The following CATSPERG variants were observed in gnomAD, a reference collection of about 807,000 sequenced individuals.
CATSPERG encodes the protein cation channel sperm-associated auxiliary subunit gamma.
CATSPERG carries 115 observed loss-of-function variants against 145.0 expected under a neutral mutation model. That is an observed-to-expected ratio of 0.79 (90% CI 0.68 to 0.93). CATSPERG has a LOEUF of 0.93. Among genes scored for constraint, CATSPERG ranks in the 40% least tolerant of loss-of-function variants. The probability of loss-of-function intolerance (pLI) is 0.00; values close to 1 mark genes in which losing one functional copy is unlikely to be tolerated. For missense variants in CATSPERG, 1,296 were observed against 1,490.1 expected (o/e 0.87, Z 2.14); for synonymous variants, 588 against 589.0 (o/e 1.00, Z 0.02).
intron 7 of CATSPERG, among the ~76,000 whole-genome samples, chr19:38,351,374 C>T (rs952748059): frequency 1.7e-4 from 26 of 151,972 alleles, no homozygotes; most frequent in Non-Finnish European, 3.7e-4. Context: ...TTTGGGAGGC[C>T]GAGGTGGGCG....
chr19:38,348,445 G>A (rs965061241), intron 7 of CATSPERG, among the ~76,000 whole-genome samples: 2 of 149,460 alleles, frequency 1.3e-5, no homozygotes, highest in African/African-American at 4.9e-5. Flanking sequence ...ACCGTGCCTG[G>A]CCAATTTCCA....
Position 38,370,645 on chromosome 19 carries a change from A to G in CATSPERG, c.3333A>G (p.Ser1111=). 6.2e-7 allele frequency: 1 copy of G among 1,614,154 alleles called. No individual in the cohort carries two copies. The highest frequency in any genetic ancestry group is 8.5e-7 in the Non-Finnish European group (1 of 1,180,036). ...IRWKINNLIA[S]ESYYTYASIS... ...GGAAGATAAACAACCTCATTGCCTC[A>G]GAATCCTACTACACCTACGCCTCCA... The change falls in exon 29 of 29, where the codon TCA becomes TCG. Residue 1111 remains serine (S), a synonymous_variant. Transcript: ENST00000409235.
In CATSPERG at chr19:38,370,682, TC is replaced by T; in HGVS notation, c.3371del (p.Ser1124Ter). On this transcript the variant is annotated frameshift_variant, in exon 29 of 29. Transcript: ENST00000409235. LOFTEE classifies it low-confidence loss of function (END_TRUNC). ...YYTYASISGI[S>X]SMPSLRHSRM... ...CACCTACGCCTCCATTTCCGGAATC[TC>T]GAGCATGCCGTCTCTGAGACATTCC... 1 of 1,614,042 alleles carries T rather than the reference TC, an allele frequency of 6.2e-7. No homozygotes were observed. The highest frequency in any genetic ancestry group is 1.1e-5 in the South Asian group (1 of 91,074).
At chr19:38,339,155 T>G (rs1969895386) in intron 3 of CATSPERG, among the ~76,000 whole-genome samples, 1 of 152,284 alleles carries the variant, frequency 6.6e-6, no homozygotes, top group African/African-American at 2.4e-5. Flanking sequence ...CACATTGCAT[T>G]AAGCACATGA....
intron 26 of CATSPERG, among the ~76,000 whole-genome samples, chr19:38,368,368 G>C (rs1173639156): frequency 3.3e-5 from 5 of 152,194 alleles, no homozygotes; most frequent in African/African-American, 7.2e-5. Flanking sequence ...GGACTTTTCT[G>C]TTTCAAGATG....
intron 3 of CATSPERG, among the ~76,000 whole-genome samples, chr19:38,340,304 C>T (rs1265092020): frequency 2.0e-5 from 3 of 151,452 alleles, no homozygotes. Context: ...TATTCATATG[C>T]CAGTATCACA....
intron 7 of CATSPERG, among the ~76,000 whole-genome samples, chr19:38,351,750 A>T (rs888542792): frequency 1.8e-4 from 28 of 152,200 alleles, no homozygotes; most frequent in African/African-American, 6.7e-4. Context: ...CTACAAAAAT[A>T]AAAATTAAAA....
chr19:38,364,104 C>G (rs1481477413), intron 20 of CATSPERG, among the ~76,000 whole-genome samples: 2 of 151,486 alleles, frequency 1.3e-5, no homozygotes, highest in Admixed American at 6.6e-5. Context: ...CTGACCCCCC[C>G]ACCTCCCTCC....
chr19:38,354,949 G>A (rs1970216879), intron 9 of CATSPERG, 102 bp downstream of exon 9: 3 of 1,368,548 alleles, frequency 2.2e-6, no homozygotes, highest in Non-Finnish European at 3.0e-6. Context: ...TGTGCCCTGA[G>A]GAGGGCCCCT....
intron 1 of CATSPERG, 140 bp from the exon 2 acceptor site, chr19:38,337,081 G>A: frequency 2.9e-6 from 3 of 1,040,168 alleles, no homozygotes; most frequent in Non-Finnish European, 4.1e-6. Flanking sequence ...CCAAGAGCAA[G>A]TGCAGGGGCG....
In CATSPERG at chr19:38,358,555, T is replaced by C. The variant is rs1230071562; in HGVS notation, c.1490T>C (p.Leu497Pro). The part of the protein sequence containing the change: ...NLIFIWGNFL[L>P]QSSNKENFIY... ...ATCTTCATCTGGGGCAACTTCCTCCTGCAGAGGTGGGCCTCTACCACCCCT... is the reference window on the plus strand; with the variant it reads ...ATCTTCATCTGGGGCAACTTCCTCCCGCAGAGGTGGGCCTCTACCACCCCT... The change falls in exon 13 of 29, where the codon CTG (leucine) becomes CCG (proline). Residue 497 changes from leucine (L) to proline (P), a missense_variant. Physicochemically the swap from Leu to Pro is moderately conservative, Grantham distance 98. Transcript: ENST00000409235. The C allele has an allele frequency of 6.2e-7, 1 of 1,614,164 alleles. No homozygotes were observed. The highest frequency in any genetic ancestry group is 8.5e-7 in the Non-Finnish European group (1 of 1,180,020).
intron 13 of CATSPERG, among the ~76,000 whole-genome samples, chr19:38,358,841 G>GT (rs112705504): frequency 1.3e-3 from 189 of 150,708 alleles, no homozygotes; most frequent in African/African-American, 2.8e-3. Flanking sequence ...AGTTTCTAGG[G>GT]TTTTTTTTTG....
At position 38,360,471 on chromosome 19, in the gene CATSPERG, C is replaced by T. The variant is rs191300146; in HGVS notation, c.1609-18C>T. On this transcript the variant is annotated intron_variant, in intron 14 of 28. Transcript: ENST00000409235. ...CCCATGGTCCTGACACACACACATC[C>T]GGCTGTCATACCCGCAGATCTGGTA... 21 of 1,613,534 alleles carry T rather than the reference C, an allele frequency of 1.3e-5. No individual in the cohort carries two copies. Among genetic ancestry groups the T allele is most frequent in the Middle Eastern group, 1.7e-4 (1 of 6,016 alleles).
intron 3 of CATSPERG, among the ~76,000 whole-genome samples, chr19:38,338,654 C>T (rs1323677149): frequency 6.6e-6 from 1 of 152,054 alleles, no homozygotes; most frequent in Non-Finnish European, 1.5e-5. Flanking sequence ...TCTTGAATAG[C>T]TGGGACTAGT....
Position 38,369,999 on chromosome 19 carries a change from C to A in CATSPERG, c.3048C>A (p.Cys1016Ter). 1 of 1,614,264 alleles carries A rather than the reference C, an allele frequency of 6.2e-7. No homozygotes were observed. The highest frequency in any genetic ancestry group is 8.5e-7 in the Non-Finnish European group (1 of 1,180,044). ...IEWLCLENAPCYDNVPQGIFA... is the reference protein window; with the variant it reads ...IEWLCLENAP ...GGCTCTGTCTGGAGAATGCCCCATG[C>A]TATGACAATGTTCCCCAAGGCATCT... The change falls in exon 27 of 29, where the codon TGC (cysteine) becomes TGA (stop). Residue 1016 changes from cysteine (C) to a stop codon, truncating the protein, a stop_gained. Transcript: ENST00000409235. LOFTEE classifies it high-confidence loss of function.
chr19:38,370,792 A>T lies in CATSPERG; in HGVS notation c.3480A>T (p.Ter1160CysextTer16). The change falls in exon 29 of 29, where the codon TGA becomes TGT. Residue 1160 changes from the stop codon to cysteine, a stop_lost. Coordinates refer to ENST00000409235, the MANE Select transcript of CATSPERG (RefSeq NM_021185.5). ...KEAVERQLMT[*>C] ...CCGTGGAGAGACAGTTGATGACCTG[A>T]GTGTCCCACCTGCCCCAGCCCCCAG... 6.2e-7 allele frequency: 1 copy of T among 1,612,120 alleles called. No homozygotes were observed. Among genetic ancestry groups the T allele is most frequent in the Non-Finnish European group, 8.5e-7 (1 of 1,178,532 alleles).
chr19:38,341,392 G>T (rs1969935959), intron 3 of CATSPERG, among the ~76,000 whole-genome samples: 1 of 152,190 alleles, frequency 6.6e-6, no homozygotes, highest in Non-Finnish European at 1.5e-5. Flanking sequence ...CAGGAAGGAG[G>T]TCCCTGCCCC....
Position 38,361,831 on chromosome 19 carries a change from C to T in CATSPERG, c.2064C>T (p.Tyr688=). Residue 688 remains tyrosine (Y), a synonymous_variant, in exon 17 of 29, where the codon TAC becomes TAT. Transcript: ENST00000409235. The stretch of plus-strand genomic sequence containing the variant: ...CCATCTACCAGGGCCTGGTCTACTA[C>T]CTGCTGTGGCTGCACTCCGTGTACG... ...SLAIYQGLVY[Y]LLWLHSVYDK... is the part of the protein sequence containing the mutation. 6.2e-7 allele frequency: 1 copy of T among 1,611,654 alleles called. No individual in the cohort carries two copies. Among genetic ancestry groups the T allele is most frequent in the Non-Finnish European group, 8.5e-7 (1 of 1,179,148 alleles).
intron 8 of CATSPERG, 39 bp downstream of exon 8, chr19:38,352,471 AC>A: frequency 6.5e-7 from 1 of 1,538,546 alleles, no homozygotes; most frequent in Non-Finnish European, 8.8e-7. Context: ...TGGGGAGGGC[AC>A]CCTGGTGAAC....
Sources: gnomAD v4.1 joint callset for allele counts (sites outside exome capture counted in the v4.1 genomes callset) on GRCh38, gnomAD v4.1.1 for gene constraint, MANE v1.5 for transcripts, NCBI Gene and HGNC (gene_info 2026-07-23, HGNC 2026-07-21) for gene names.